The following TLCD4 variants were observed in gnomAD, a reference collection of about 807,000 sequenced individuals.
TLCD4 encodes the protein TLC domain containing 4, also known as TLC domain-containing protein 4.
Under a neutral mutation model 24.2 loss-of-function variants are expected in TLCD4, and 7 were observed. The ratio of observed to expected loss-of-function variants is 0.29; its 90% CI spans 0.16 to 0.54. TLCD4 has a LOEUF of 0.54. TLCD4 is among the 20% of genes least tolerant of loss of function. The probability of loss-of-function intolerance (pLI) is 0.95; values close to 1 mark genes in which losing one functional copy is unlikely to be tolerated. For missense variants in TLCD4, 259 were observed against 313.9 expected (o/e 0.82, Z 1.32); for synonymous variants, 103 against 106.4 (o/e 0.97, Z 0.20).
chr1:95,173,975 A>G, intron 6 of TLCD4, 86 bp downstream of exon 6: 6 of 1,556,904 alleles, frequency 3.9e-6, no homozygotes, highest in Non-Finnish European at 4.4e-6. Context: ...TCCTCAAGTT[A>G]CTATATAAAA....
intron 6 of TLCD4, among the ~76,000 whole-genome samples, chr1:95,175,521 C>T (rs919052095): frequency 6.6e-6 from 1 of 152,160 alleles, no homozygotes; most frequent in Admixed American, 6.5e-5. Flanking sequence ...ATTTTTGAGA[C>T]CCTGTTTCAA....
At chr1:95,107,391 T>C in the TLCD4 span, among the ~76,000 whole-genome samples, 3 of 152,094 alleles carry the variant, frequency 2.0e-5, no homozygotes, top group Non-Finnish European at 4.4e-5. Context: ...CCACTGCACT[T>C]CAGCCTGGGC....
Position 95,191,791 on chromosome 1 carries a change from A to C in TLCD4, c.715A>C (p.Lys239Gln). The C allele has an allele frequency of 6.2e-7, 1 of 1,614,154 alleles. No individual in the cohort carries two copies. Among genetic ancestry groups the C allele is most frequent in the Non-Finnish European group, 8.5e-7 (1 of 1,180,002 alleles). ...TGTCATGTGGATGATCAAAATTTCA[A>C]AAGGTTGCATCAAAGTCATCTCTCA... ...MNVMWMIKIS[K>Q]GCIKVISHIR... The change falls in exon 7 of 7, where the codon AAA becomes CAA. Residue 239 changes from lysine to glutamine, a missense_variant. Physicochemically the swap from Lys to Gln is moderately conservative, Grantham distance 53. Coordinates refer to ENST00000370203, the MANE Select transcript of TLCD4 (RefSeq NM_152487.3).
the TLCD4 span, among the ~76,000 whole-genome samples, chr1:95,098,977 C>T: frequency 7.4e-6 from 1 of 135,006 alleles, no homozygotes; most frequent in African/African-American, 2.8e-5. Flanking sequence ...AGGAGAATCA[C>T]TTGAAGCGGA....
At chr1:95,184,440 C>T (rs1404277045) in intron 6 of TLCD4, among the ~76,000 whole-genome samples, 1 of 151,940 alleles carries the variant, frequency 6.6e-6, no homozygotes, top group African/African-American at 2.4e-5. Flanking sequence ...AGTTTTTACA[C>T]TTTTTCTAGT....
At position 95,127,119 on chromosome 1, in the gene TLCD4, T is replaced by G. The variant is rs142236713; in HGVS notation, c.-12+9502T>G. On this transcript the variant is annotated intron_variant, in intron 1 of 6. Coordinates refer to ENST00000370203, the MANE Select transcript of TLCD4 (RefSeq NM_152487.3). Reference sequence around the variant, plus strand: ...GAACCCGCAGGTCACAGAGGTTGTGTTGTTCTTGCCTGAGGCTACTTGGTA... The same window carrying G: ...GAACCCGCAGGTCACAGAGGTTGTGGTGTTCTTGCCTGAGGCTACTTGGTA... 2.0e-3 allele frequency among the ~76,000 whole-genome samples: 310 copies of G among 152,352 alleles called. 1 individual carries two copies. The highest frequency in any genetic ancestry group is 7.2e-3 in the African/African-American group (298 of 41,584).
At chr1:95,117,752 A>G (rs2100894368) in intron 1 of TLCD4, 135 bp downstream of exon 1, 1 of 150,948 alleles carries the variant, frequency 6.6e-6, no homozygotes, top group East Asian at 2.0e-4. Context: ...CGCGGCCGAG[A>G]GCTCCTGCGC....
intron 1 of TLCD4, among the ~76,000 whole-genome samples, chr1:95,125,216 T>G (rs1676681832): frequency 6.6e-6 from 1 of 152,180 alleles, no homozygotes; most frequent in Non-Finnish European, 1.5e-5. Flanking sequence ...TTATGTGACT[T>G]ACTACACCTG....
rs1193582924 is a variant in TLCD4, at chr1:95,193,257, C to T, written c.*1389C>T. ...CACAGAAAAAAAAAGGTAATTTAAT[C>T]CAAGTATTCTATCATCAAAATTATT... On this transcript the variant is annotated 3_prime_UTR_variant, in exon 7 of 7. Transcript: ENST00000370203. 1 of 151,970 alleles carries T rather than the reference C, an allele frequency of 6.6e-6. No homozygotes were observed. The highest frequency in any genetic ancestry group is 1.5e-5 in the Non-Finnish European group (1 of 67,938). 9.4% of individuals were successfully genotyped at this position (151,970 alleles called of 1,614,324 possible). A position where few individuals can be genotyped will look rare whatever the true frequency, so the allele number is the denominator to read the frequency against.
upstream of TLCD4, among the ~76,000 whole-genome samples, chr1:95,115,846 C>T (rs755399187): frequency 1.3e-5 from 2 of 152,158 alleles, no homozygotes; most frequent in Non-Finnish European, 2.9e-5. Context: ...TTGATACAGA[C>T]TCTTGAGAGG....
chr1:95,125,989 TA>T (rs63577560), intron 1 of TLCD4, among the ~76,000 whole-genome samples: 142,237 of 145,740 alleles, frequency 0.98, 69,461 homozygotes, highest in Non-Finnish European at 1. Context: ...CCATCTCTAT[TA>T]AAAAAAAAAA....
chr1:95,156,509 T>C (rs1677638651), intron 5 of TLCD4, among the ~76,000 whole-genome samples: 1 of 152,078 alleles, frequency 6.6e-6, no homozygotes. Flanking sequence ...GGCCAGAAAA[T>C]AACTTGATAC....
rs900664735 is a variant in TLCD4, at chr1:95,196,393, T to G, written c.*4525T>G. The G allele has an allele frequency of 1.1e-4, 16 of 152,350 alleles. No homozygotes were observed. The highest frequency in any genetic ancestry group is 3.8e-4 in the African/African-American group (16 of 41,584). 9.4% of individuals were successfully genotyped at this position (152,350 alleles called of 1,614,324 possible). ...AAACTTTGCTATGGTAATGTTTCTT[T>G]GAAAACAAATTTACCAGCAACTGCG... On this transcript the variant is annotated 3_prime_UTR_variant, in exon 7 of 7. Transcript: ENST00000370203.
intron 1 of TLCD4, among the ~76,000 whole-genome samples, chr1:95,131,664 A>G (rs1428338503): frequency 3.3e-5 from 5 of 152,246 alleles, no homozygotes; most frequent in South Asian, 2.1e-4. Context: ...TAGTTATTTA[A>G]GAAGTATAAT....
intron 5 of TLCD4, among the ~76,000 whole-genome samples, chr1:95,168,069 A>T (rs1678082662): frequency 2.0e-5 from 3 of 151,920 alleles, no homozygotes; most frequent in Admixed American, 6.6e-5. Context: ...GTTAATTTTA[A>T]CTCTCTCGTT....
intron 5 of TLCD4, among the ~76,000 whole-genome samples, chr1:95,166,995 A>G (rs115684397): frequency 3.3e-5 from 5 of 152,072 alleles, no homozygotes; most frequent in Non-Finnish European, 7.4e-5. Flanking sequence ...TCAACCTCCT[A>G]AAGTGTTGGG....
At chr1:95,105,912 A>AAAAG in the TLCD4 span, among the ~76,000 whole-genome samples, 1 of 148,792 alleles carries the variant, frequency 6.7e-6, no homozygotes, top group African/African-American at 2.4e-5. Context: ...AAAAAAAAAA[A>AAAAG]GAAAAGAAAA....
At chr1:95,109,490 C>T in the TLCD4 span, among the ~76,000 whole-genome samples, 2 of 116,958 alleles carry the variant, frequency 1.7e-5, no homozygotes, top group African/African-American at 5.5e-5. Context: ...GTAAGTTTTG[C>T]ATTTTTTTTT....
At chr1:95,182,358 C>T (rs1009860712) in intron 6 of TLCD4, among the ~76,000 whole-genome samples, 1 of 151,648 alleles carries the variant, frequency 6.6e-6, no homozygotes, top group African/African-American at 2.4e-5. Context: ...GGTTTTTCCT[C>T]AAGAAAACCA....
Sources: allele counts gnomAD v4.1 joint callset (sites outside exome capture counted in the v4.1 genomes callset), GRCh38; gene constraint gnomAD v4.1.1; transcripts MANE v1.5; gene names NCBI Gene and HGNC (gene_info 2026-07-23, HGNC 2026-07-21).